CFAP299: variants seen among roughly 807,000 people sequenced by gnomAD.
CFAP299 encodes cilia- and flagella-associated protein 299.
In CFAP299, 21 loss-of-function variants were observed where a neutral mutation model predicts 27.0. The ratio of observed to expected loss-of-function variants is 0.78; its 90% CI spans 0.55 to 1.12. CFAP299 has a LOEUF of 1.12. CFAP299 is among the 50% of genes most tolerant of loss of function. The pLI is 0.00. For missense variants in CFAP299, 310 were observed against 276.6 expected, an observed-to-expected ratio of 1.12 and a Z score of -0.86; for synonymous variants, 104 against 98.1, an observed-to-expected ratio of 1.06 and a Z score of -0.36.
intron 3 of CFAP299, among the ~76,000 whole-genome samples, chr4:80,663,484 C>T (rs1311277053): frequency 6.6e-6 from 1 of 152,190 alleles, no homozygotes; most frequent in Non-Finnish European, 1.5e-5. Flanking sequence ...TTTATGGCTG[C>T]ATAGTATTCC....
chr4:80,873,521 T>A (rs1357397090), intron 4 of CFAP299, among the ~76,000 whole-genome samples: 1 of 152,176 alleles, frequency 6.6e-6, no homozygotes, highest in East Asian at 1.9e-4. Flanking sequence ...CAATTTCAAG[T>A]TCCTTCACAC....
chr4:80,882,725 T>G (rs1041153114), intron 4 of CFAP299, among the ~76,000 whole-genome samples: 1 of 151,984 alleles, frequency 6.6e-6, no homozygotes, highest in Non-Finnish European at 1.5e-5. Context: ...AGTATACCTC[T>G]CAGCAGAAAC....
rs558621676 is a variant in CFAP299 at position 80,606,847 on chromosome 4, T to TA, written c.333+23671dup. On this transcript the variant is annotated intron_variant, in intron 3 of 5. Coordinates refer to ENST00000358105, the MANE Select transcript of CFAP299 (RefSeq NM_152770.3). ...GCTTTTTAAAAAAAAATTTCACGGATAAAAAAACTAAGATTTTTATTTTTC... is the reference window on the plus strand; with the variant it reads ...GCTTTTTAAAAAAAAATTTCACGGATAAAAAAAACTAAGATTTTTATTTTTC... Among the ~76,000 whole-genome samples, 466 of 152,216 alleles carry TA rather than the reference T, an allele frequency of 3.1e-3. 4 individuals carry two copies. Among genetic ancestry groups the TA allele is most frequent in the African/African-American group, 0.011 (449 of 41,510 alleles).
rs1393192573 is a variant in CFAP299, at chr4:80,692,508, T to C, written c.333+109325T>C. On this transcript the variant is annotated intron_variant, in intron 3 of 5. Transcript: ENST00000358105. ...GCTAGCCATATGTAGAAAGCTGAAA[T>C]TGGATCCCTTCCTTACACCTTATAC... 1.1e-3 allele frequency among the ~76,000 whole-genome samples: 162 copies of C among 152,060 alleles called. 1 individual carries two copies. Among genetic ancestry groups the C allele is most frequent in the Admixed American group, 1.3e-3 (20 of 15,270 alleles).
intron 3 of CFAP299, among the ~76,000 whole-genome samples, chr4:80,706,542 AAATT>A (rs1164695703): frequency 3.7e-4 from 57 of 152,014 alleles, no homozygotes; most frequent in African/African-American, 1.4e-3. Context: ...TTGATACATG[AAATT>A]ATAGCCAGAG....
chr4:80,819,866 C>T (rs1729611119), intron 3 of CFAP299, among the ~76,000 whole-genome samples: 1 of 152,120 alleles, frequency 6.6e-6, no homozygotes, highest in Admixed American at 6.6e-5. Flanking sequence ...GTCAAAGCCT[C>T]AGGAGCAATT....
intron 2 of CFAP299, among the ~76,000 whole-genome samples, chr4:80,414,365 A>G (rs959004526): frequency 2.6e-5 from 4 of 152,128 alleles, no homozygotes; most frequent in African/African-American, 7.2e-5. Flanking sequence ...CCACCGCGAC[A>G]AATGGGTATT....
chr4:80,611,621 T>C lies in CFAP299; in HGVS notation c.333+28438T>C, dbSNP rs756188906. Reference sequence around the variant, plus strand: ...TTATCAAATCCAGACCACACCTGCATTGGGACACTTGTAGGAAGCAGGGTT... The same window carrying C: ...TTATCAAATCCAGACCACACCTGCACTGGGACACTTGTAGGAAGCAGGGTT... On this transcript the variant is annotated intron_variant, in intron 3 of 5. Transcript: ENST00000358105. Among the ~76,000 whole-genome samples, 228 of 152,200 alleles carry C rather than the reference T, an allele frequency of 1.5e-3. 2 individuals are homozygous for C. Among genetic ancestry groups the C allele is most frequent in the Non-Finnish European group, 2.6e-3 (175 of 67,954 alleles).
chr4:80,830,171 C>T (rs1441070497), intron 3 of CFAP299, among the ~76,000 whole-genome samples: 1 of 151,926 alleles, frequency 6.6e-6, no homozygotes, highest in Non-Finnish European at 1.5e-5. Context: ...TAGATTGTCA[C>T]AAAACTAAGA....
chr4:80,419,501 C>T (rs1253863793), intron 2 of CFAP299, among the ~76,000 whole-genome samples: 1 of 152,174 alleles, frequency 6.6e-6, no homozygotes, highest in Non-Finnish European at 1.5e-5. Context: ...ATGCTTGAGT[C>T]CACTTGCCTA....
intron 4 of CFAP299, among the ~76,000 whole-genome samples, chr4:80,876,689 GGACCAAACAGA>G: frequency 6.6e-6 from 1 of 152,048 alleles, no homozygotes; most frequent in East Asian, 1.9e-4. Context: ...CAGAAATCCA[GGACCAAACAGA>G]GATCACTGCC....
intron 3 of CFAP299, among the ~76,000 whole-genome samples, chr4:80,782,592 CATATATAATAT>C (rs1726952944): frequency 8.3e-6 from 1 of 120,528 alleles, no homozygotes; most frequent in Non-Finnish European, 1.8e-5. Context: ...ATAATATATT[CATATATAATAT>C]ACATATATTA....
chr4:80,490,342 T>C (rs561047735), intron 2 of CFAP299, among the ~76,000 whole-genome samples: 2 of 152,222 alleles, frequency 1.3e-5, no homozygotes, highest in Non-Finnish European at 2.9e-5. Flanking sequence ...AAATAATCAA[T>C]TTAGTAATTT....
At position 80,386,257 on chromosome 4, in the gene CFAP299, G is replaced by A. The variant is rs116519758; in HGVS notation, c.242+23373G>A. The A allele has an allele frequency of 5.4e-3, 6,315 of 1,175,068 alleles. 235 individuals carry two copies. In the African/African-American group the frequency reaches 0.082, roughly 15 times the overall value. 72.8% of individuals were successfully genotyped at this position (1,175,068 alleles called of 1,614,324 possible). On this transcript the variant is annotated intron_variant, in intron 2 of 5. Coordinates refer to ENST00000358105, the MANE Select transcript of CFAP299 (RefSeq NM_152770.3). ...GGCCCCGGCCTGCAGCCCCGCCAGA[G>A]CCAGGTTGGAGCCCAGCCCCTCAGC...
intron 3 of CFAP299, among the ~76,000 whole-genome samples, chr4:80,714,116 T>G (rs2110039352): frequency 6.6e-6 from 1 of 152,268 alleles, no homozygotes; most frequent in African/African-American, 2.4e-5. Context: ...GCTGTCTCGC[T>G]CCTTGAGGGA....
chr4:80,503,335 C>G (rs1731831336), intron 2 of CFAP299, among the ~76,000 whole-genome samples: 1 of 152,052 alleles, frequency 6.6e-6, no homozygotes, highest in Non-Finnish European at 1.5e-5. Flanking sequence ...ATTCTCTTTG[C>G]CTGGATTGTC....
intron 2 of CFAP299, among the ~76,000 whole-genome samples, chr4:80,483,956 T>A (rs1019857579): frequency 2.0e-5 from 3 of 152,142 alleles, no homozygotes; most frequent in Admixed American, 2.0e-4. Context: ...GTCTCAGAAG[T>A]TTATAGGTAC....
chr4:80,525,506 C>T (rs535991028), intron 2 of CFAP299, among the ~76,000 whole-genome samples: 30 of 152,140 alleles, frequency 2.0e-4, no homozygotes, highest in Non-Finnish European at 4.0e-4. Context: ...CATCCTTCAG[C>T]CAGGGTTATT....
intron 3 of CFAP299, among the ~76,000 whole-genome samples, chr4:80,757,121 C>G (rs1195181337): frequency 6.6e-6 from 1 of 151,990 alleles, no homozygotes; most frequent in Non-Finnish European, 1.5e-5. Context: ...TTAGTTAGTA[C>G]TATTTTTATA....
Sources: allele counts gnomAD v4.1 joint callset (sites outside exome capture counted in the v4.1 genomes callset), GRCh38; gene constraint gnomAD v4.1.1; transcripts MANE v1.5; gene names NCBI Gene and HGNC (gene_info 2026-07-23, HGNC 2026-07-21).